GLIS3: variants seen among roughly 807,000 people sequenced by gnomAD.
GLIS3 encodes GLIS family zinc finger 3.
A neutral mutation model predicts 78.6 loss-of-function variants in GLIS3; 53 were observed. That is an observed-to-expected ratio of 0.67 (90% CI 0.54 to 0.85). The LOEUF is 0.85. Among genes scored for constraint, GLIS3 ranks in the 40% least tolerant of loss-of-function variants. The probability of loss-of-function intolerance (pLI) is 0.00; values close to 1 mark genes in which losing one functional copy is unlikely to be tolerated. For synonymous variants in GLIS3, 684 were observed against 509.9 expected (o/e 1.34, Z -4.60); for missense variants, 1,703 against 1,231.1 (o/e 1.38, Z -5.74).
intron 6 of GLIS3, among the ~76,000 whole-genome samples, chr9:3,904,318 G>T (rs551762605): frequency 5.4e-4 from 82 of 152,262 alleles, no homozygotes; most frequent in Admixed American, 1.4e-3. Flanking sequence ...AAGAGCAAAA[G>T]AAACTAAAGT....
chr9:4,285,892 G>A, intron 2 of GLIS3, 146 bp downstream of exon 2: 9 of 993,752 alleles, frequency 9.1e-6, no homozygotes, highest in South Asian at 8.1e-5. Context: ...TTCCCTTACT[G>A]AGCAAGCTAT....
Position 3,879,487 on chromosome 9 carries a change from C to A in GLIS3, c.2237G>T (p.Ser746Ile), listed in dbSNP as rs1456570482. The change falls in exon 8 of 11, where the codon AGC becomes ATC. Residue 746 changes from serine to isoleucine, a missense_variant. Physicochemically the swap from Ser to Ile is moderately radical, Grantham distance 142. Transcript: ENST00000381971. ...TAACTGGGAGGAGGGGTTGTGAGGGCTCCCCTGTACATTATGTCCTGGAGA... is the reference window on the plus strand; with the variant it reads ...TAACTGGGAGGAGGGGTTGTGAGGGATCCCCTGTACATTATGTCCTGGAGA... ...HPSPGHNVQGSPHNPSSQLPP... is the reference protein window; with the variant it reads ...HPSPGHNVQGIPHNPSSQLPP... 1 of 1,614,062 alleles carries A rather than the reference C, an allele frequency of 6.2e-7. No individual in the cohort carries two copies. The highest frequency in any genetic ancestry group is 2.2e-5 in the East Asian group (1 of 44,872).
intron 2 of GLIS3, among the ~76,000 whole-genome samples, chr9:4,240,206 G>T (rs901675762): frequency 1.5e-5 from 2 of 131,358 alleles, no homozygotes; most frequent in African/African-American, 5.8e-5. Context: ...GGGGGGGGGG[G>T]ATGGTTTCGG....
chr9:3,909,709 G>A (rs544456), intron 6 of GLIS3, among the ~76,000 whole-genome samples: 127,193 of 152,094 alleles, frequency 0.84, 53,378 homozygotes, highest in Non-Finnish European at 0.87. Context: ...TATTTAGTAA[G>A]AAATGATGAT....
At chr9:4,059,545 T>C (rs1272178814) in intron 4 of GLIS3, among the ~76,000 whole-genome samples, 1 of 152,214 alleles carries the variant, frequency 6.6e-6, no homozygotes, top group Non-Finnish European at 1.5e-5. Flanking sequence ...TAGCCTATTC[T>C]TGGCCTTCTG....
At chr9:3,914,597 T>C (rs1824377773) in intron 6 of GLIS3, among the ~76,000 whole-genome samples, 1 of 152,234 alleles carries the variant, frequency 6.6e-6, no homozygotes, top group Non-Finnish European at 1.5e-5. Context: ...GCTAATTCAC[T>C]ACATTATACT....
chr9:4,009,761 C>A (rs1821847696), intron 4 of GLIS3, among the ~76,000 whole-genome samples: 1 of 152,206 alleles, frequency 6.6e-6, no homozygotes, highest in Non-Finnish European at 1.5e-5. Flanking sequence ...CAGCCTCAGG[C>A]ACAGGAAAAG....
At chr9:4,128,125 T>G (rs575743074) in intron 2 of GLIS3, among the ~76,000 whole-genome samples, 1 of 152,224 alleles carries the variant, frequency 6.6e-6, no homozygotes. Flanking sequence ...ATTTTAACCC[T>G]TATCTTGTTC....
At chr9:4,411,698 C>T in the GLIS3 span, among the ~76,000 whole-genome samples, 72 of 152,246 alleles carry the variant, frequency 4.7e-4, no homozygotes, top group African/African-American at 1.7e-3. Flanking sequence ...TCTGCAACAA[C>T]AGAATAAAAA....
At chr9:4,387,167 A>C in the GLIS3 span, among the ~76,000 whole-genome samples, 59 of 152,368 alleles carry the variant, frequency 3.9e-4, no homozygotes, top group South Asian at 0.011. Context: ...TGCAGCAGGA[A>C]AAAAACAAAA....
intron 4 of GLIS3, among the ~76,000 whole-genome samples, chr9:4,007,800 T>G (rs1821673602): frequency 6.7e-6 from 1 of 148,990 alleles, no homozygotes; most frequent in Non-Finnish European, 1.5e-5. Flanking sequence ...TCTCTTGCTT[T>G]GGAAGGATCA....
At chr9:4,156,809 G>A (rs374239959) in intron 2 of GLIS3, among the ~76,000 whole-genome samples, 1 of 152,044 alleles carries the variant, frequency 6.6e-6, no homozygotes, top group African/African-American at 2.4e-5. Flanking sequence ...AAGGGTATAT[G>A]ATAAGAGTGT....
chr9:3,894,765 A>G (rs1822705597), intron 7 of GLIS3, among the ~76,000 whole-genome samples: 1 of 152,008 alleles, frequency 6.6e-6, no homozygotes, highest in South Asian at 2.1e-4. Flanking sequence ...CAAAATTTGG[A>G]TAATTCAACA....
At chr9:3,953,764 T>TTATATATATA (rs1816858425) in intron 4 of GLIS3, among the ~76,000 whole-genome samples, 24 of 49,778 alleles carry the variant, frequency 4.8e-4, no homozygotes, top group African/African-American at 1.5e-3. Flanking sequence ...AGATTTGCTC[T>TTATATATATA]CTCTCTCTCT....
At chr9:4,214,611 G>C (rs1820660953) in intron 2 of GLIS3, among the ~76,000 whole-genome samples, 1 of 152,152 alleles carries the variant, frequency 6.6e-6, no homozygotes, top group Non-Finnish European at 1.5e-5. Flanking sequence ...AGTTTAGTGT[G>C]TCACTTTTTT....
At chr9:4,179,188 C>T (rs570416357) in intron 2 of GLIS3, among the ~76,000 whole-genome samples, 1 of 152,134 alleles carries the variant, frequency 6.6e-6, no homozygotes, top group Non-Finnish European at 1.5e-5. Flanking sequence ...AGACTGAATC[C>T]AAATGTGTGA....
the GLIS3 span, among the ~76,000 whole-genome samples, chr9:4,428,090 G>C: frequency 6.6e-6 from 1 of 152,104 alleles, no homozygotes; most frequent in East Asian, 1.9e-4. Flanking sequence ...ATAAACATGA[G>C]CTGATAACAG....
chr9:4,437,710 C>T, the GLIS3 span, among the ~76,000 whole-genome samples: 1 of 152,096 alleles, frequency 6.6e-6, no homozygotes, highest in Non-Finnish European at 1.5e-5. Context: ...CCACTTCTCC[C>T]TCTGCCACCT....
intron 7 of GLIS3, among the ~76,000 whole-genome samples, chr9:3,885,938 C>A (rs1822044664): frequency 6.6e-6 from 1 of 152,184 alleles, no homozygotes; most frequent in South Asian, 2.1e-4. Flanking sequence ...ATCACTTAAC[C>A]TAAGTTTCTT....
Sources: allele counts gnomAD v4.1 joint callset (sites outside exome capture counted in the v4.1 genomes callset), GRCh38; gene constraint gnomAD v4.1.1; transcripts MANE v1.5; gene names NCBI Gene and HGNC (gene_info 2026-07-23, HGNC 2026-07-21).